Variants in OR1L3 observed in about 807,000 individuals in gnomAD.
OR1L3 encodes olfactory receptor family 1 subfamily L member 3.
For synonymous variants in OR1L3, 137 were observed against 144.5 expected, an observed-to-expected ratio of 0.95 and a Z score of 0.37; for missense variants, 374 against 386.4, an observed-to-expected ratio of 0.97 and a Z score of 0.27.
rs780347027 is a variant in OR1L3 at position 122,675,646 on chromosome 9, G to A, written c.517G>A (p.Val173Ile). Reference protein sequence around the residue: ...VNRLTFCTSNVIHHFFCDVNP... With the variant: ...VNRLTFCTSNIIHHFFCDVNP... Reference sequence around the variant, plus strand: ...TCGGCTCACCTTTTGTACATCAAATGTTATCCATCATTTTTTTTGTGATGT... The same window carrying A: ...TCGGCTCACCTTTTGTACATCAAATATTATCCATCATTTTTTTTGTGATGT... Residue 173 changes from valine to isoleucine, a missense_variant, in exon 1 of 1, where the codon GTT (valine) becomes ATT (isoleucine). Transcript: ENST00000304820. 3.4e-5 allele frequency: 55 copies of A among 1,614,140 alleles called. No individual in the cohort carries two copies. The highest frequency in any genetic ancestry group is 4.4e-5 in the Non-Finnish European group (52 of 1,180,012).
At position 122,675,493 on chromosome 9, in the gene OR1L3, C is replaced by T. The variant is rs757393563; in HGVS notation, c.364C>T (p.Arg122Cys). 3.7e-5 allele frequency: 60 copies of T among 1,614,076 alleles called. No individual in the cohort carries two copies. Among genetic ancestry groups the T allele is most frequent in the Non-Finnish European group, 4.6e-5 (54 of 1,180,048 alleles). ...SYLLAAMAIN[R>C]CVAICNPFHY... ...TCTCCTGGCGGCTATGGCCATCAAC[C>T]GCTGTGTAGCCATTTGTAACCCATT... Residue 122 changes from arginine (R) to cysteine (C), a missense_variant, in exon 1 of 1, where the codon CGC becomes TGC. Physicochemically the swap from Arg to Cys is radical, Grantham distance 180 (BLOSUM62 -3). Coordinates refer to ENST00000304820, the MANE Select transcript of OR1L3 (RefSeq NM_001005234.1).
Position 122,675,900 on chromosome 9 carries a change from T to C in OR1L3, c.771T>C (p.Tyr257=), listed in dbSNP as rs749565366. The stretch of plus-strand genomic sequence containing the variant: ...TTCTGTTTTATGGGAGTATTAGCTA[T>C]GTCTATTTGCAGCCTTTGTCCAGCT... The part of the protein sequence containing the change: ...VVILFYGSIS[Y]VYLQPLSSYT... The change falls in exon 1 of 1, where the codon TAT becomes TAC. Residue 257 remains tyrosine, a synonymous_variant. Coordinates refer to ENST00000304820, the MANE Select transcript of OR1L3 (RefSeq NM_001005234.1). 1.6e-5 allele frequency: 26 copies of C among 1,614,118 alleles called. No individual in the cohort carries two copies. The highest frequency in any genetic ancestry group is 1.0e-4 in the Admixed American group (6 of 60,000).
rs148399372 is a variant in OR1L3 at position 122,675,513 on chromosome 9, C to T, written c.384C>T (p.Asn128=). 9.4e-4 allele frequency: 1,511 copies of T among 1,614,220 alleles called. 2 individuals are homozygous for T. The highest frequency in any genetic ancestry group is 1.1e-3 in the Non-Finnish European group (1,323 of 1,180,040). Residue 128 remains asparagine (N), a synonymous_variant, in exon 1 of 1, where the codon AAC becomes AAT. Transcript: ENST00000304820. ...TCAACCGCTGTGTAGCCATTTGTAA[C>T]CCATTCCATTATGTCACTGTTATGA... The part of the protein sequence containing the change: ...MAINRCVAIC[N]PFHYVTVMNR...
Position 122,675,543 on chromosome 9 carries a change from C to T in OR1L3, c.414C>T (p.Arg138=), listed in dbSNP as rs964399850. ...NPFHYVTVMN[R]RCCVLLLAFP... is the part of the protein sequence containing the mutation. ...TCCATTATGTCACTGTTATGAACCG[C>T]AGATGCTGTGTGTTGCTACTAGCAT... Residue 138 remains arginine, a synonymous_variant, in exon 1 of 1, where the codon CGC becomes CGT. Transcript: ENST00000304820. The T allele has an allele frequency of 1.2e-6, 2 of 1,614,094 alleles. No individual in the cohort carries two copies. Among genetic ancestry groups the T allele is most frequent in the African/African-American group, 2.7e-5 (2 of 74,954 alleles).
rs769784485 is a variant in OR1L3, at chr9:122,675,188, G to T, written c.59G>T (p.Arg20Leu). Residue 20 changes from arginine (R) to leucine (L), a missense_variant, in exon 1 of 1, where the codon CGG becomes CTG. Physicochemically the swap from Arg to Leu is moderately radical, Grantham distance 102. Transcript: ENST00000304820. ...TTTATTCTCTTGGGACTCTCCTCTC[G>T]GTCTGAAGACCAGAGGCCACTCTTT... ...SEFILLGLSSRSEDQRPLFAL... is the reference protein window; with the variant it reads ...SEFILLGLSSLSEDQRPLFAL... 1.2e-6 allele frequency: 2 copies of T among 1,613,658 alleles called. No homozygotes were observed. The highest frequency in any genetic ancestry group is 8.5e-7 in the Non-Finnish European group (1 of 1,179,912).
Position 122,675,562 on chromosome 9 carries a change from C to G in OR1L3, c.433C>G (p.Leu145Val), listed in dbSNP as rs1206464461. The change falls in exon 1 of 1, where the codon CTA becomes GTA. Residue 145 changes from leucine to valine, a missense_variant. Transcript: ENST00000304820. ...VMNRRCCVLL[L>V]AFPITFSYFH... ...GAACCGCAGATGCTGTGTGTTGCTACTAGCATTCCCCATCACTTTCTCCTA... is the reference window on the plus strand; with the variant it reads ...GAACCGCAGATGCTGTGTGTTGCTAGTAGCATTCCCCATCACTTTCTCCTA... The G allele has an allele frequency of 6.2e-7, 1 of 1,614,070 alleles. No individual in the cohort carries two copies. The highest frequency in any genetic ancestry group is 8.5e-7 in the Non-Finnish European group (1 of 1,180,024).
rs1830647773 is a variant in OR1L3, at chr9:122,676,062, G to A, written c.933G>A (p.Met311Ile). 2.5e-6 allele frequency: 4 copies of A among 1,603,290 alleles called. No homozygotes were observed. The highest frequency in any genetic ancestry group is 1.3e-5 in the African/African-American group (1 of 74,648). ...QKLINKIKSQ[M>I]SRFSTKTNKI... ...TGATAAACAAGATTAAGTCTCAAAT[G>A]AGTAGGTTCTCTACAAAGACCAATA... The change falls in exon 1 of 1, where the codon ATG becomes ATA. Residue 311 changes from methionine (M) to isoleucine (I), a missense_variant. Physicochemically the swap from Met to Ile is conservative, Grantham distance 10. Transcript: ENST00000304820.
At position 122,675,904 on chromosome 9, in the gene OR1L3, T is replaced by A. The variant is rs771020185; in HGVS notation, c.775T>A (p.Tyr259Asn). 2.5e-6 allele frequency: 4 copies of A among 1,614,016 alleles called. No homozygotes were observed. The highest frequency in any genetic ancestry group is 3.4e-6 in the Non-Finnish European group (4 of 1,180,016). The change falls in exon 1 of 1, where the codon TAT (tyrosine) becomes AAT (asparagine). Residue 259 changes from tyrosine to asparagine, a missense_variant. Transcript: ENST00000304820. ...GTTTTATGGGAGTATTAGCTATGTC[T>A]ATTTGCAGCCTTTGTCCAGCTATAC... ...ILFYGSISYVYLQPLSSYTVK... is the reference protein window; with the variant it reads ...ILFYGSISYVNLQPLSSYTVK...
rs753903639 is a variant in OR1L3 at position 122,675,410 on chromosome 9, A to C, written c.281A>C (p.Tyr94Ser). The C allele has an allele frequency of 6.2e-7, 1 of 1,614,224 alleles. No individual in the cohort carries two copies. Among genetic ancestry groups the C allele is most frequent in the Non-Finnish European group, 8.5e-7 (1 of 1,180,040 alleles). The stretch of plus-strand genomic sequence containing the variant: ...TTATCAGAGAAAAAGACCATTTCCT[A>C]TGCTGAATGTCTGGCACAGATGTAT... ...NFLSEKKTIS[Y>S]AECLAQMYFF... is the part of the protein sequence containing the mutation. The change falls in exon 1 of 1, where the codon TAT (tyrosine) becomes TCT (serine). Residue 94 changes from tyrosine (Y) to serine (S), a missense_variant. Coordinates refer to ENST00000304820, the MANE Select transcript of OR1L3 (RefSeq NM_001005234.1).
Position 122,675,756 on chromosome 9 carries a change from T to A in OR1L3, c.627T>A (p.Ala209=). 3 of 1,614,218 alleles carry A rather than the reference T, an allele frequency of 1.9e-6. No individual in the cohort carries two copies. The highest frequency in any genetic ancestry group is 2.5e-6 in the Non-Finnish European group (3 of 1,180,040). The change falls in exon 1 of 1, where the codon GCT becomes GCA. Residue 209 remains alanine, a synonymous_variant. Transcript: ENST00000304820. ...AMTEGLASVM[A]PFVCIIISYL... The stretch of plus-strand genomic sequence containing the variant: ...CAGAAGGGCTGGCCTCTGTGATGGC[T>A]CCATTTGTCTGTATCATCATCTCTT...
At position 122,676,096 on chromosome 9, in the gene OR1L3, G is replaced by C. The variant is rs1009518791; in HGVS notation, c.967G>C (p.Gly323Arg). ...RFSTKTNKIC[G>R]P ...CTCTACAAAGACCAATAAAATCTGTGGACCCTGATTACAAGGTGTGTGTGT... is the reference window on the plus strand; with the variant it reads ...CTCTACAAAGACCAATAAAATCTGTCGACCCTGATTACAAGGTGTGTGTGT... Residue 323 changes from glycine (G) to arginine (R), a missense_variant, in exon 1 of 1, where the codon GGA becomes CGA. Gly to Arg is a moderately radical substitution (Grantham distance 125). Coordinates refer to ENST00000304820, the MANE Select transcript of OR1L3 (RefSeq NM_001005234.1). 6.4e-7 allele frequency: 1 copy of C among 1,569,900 alleles called. No homozygotes were observed. Among genetic ancestry groups the C allele is most frequent in the Non-Finnish European group, 8.6e-7 (1 of 1,165,334 alleles).
Position 122,675,323 on chromosome 9 carries a change from T to A in OR1L3, c.194T>A (p.Ile65Asn), listed in dbSNP as rs149460922. 2 of 1,614,214 alleles carry A rather than the reference T, an allele frequency of 1.2e-6. No homozygotes were observed. The highest frequency in any genetic ancestry group is 1.7e-5 in the Admixed American group (1 of 60,028). ...LQNPMYFFLS[I>N]LSFADICYTT... ...AACCCTATGTATTTTTTCCTAAGCATCTTGTCCTTTGCTGATATTTGCTAC... is the reference window on the plus strand; with the variant it reads ...AACCCTATGTATTTTTTCCTAAGCAACTTGTCCTTTGCTGATATTTGCTAC... The change falls in exon 1 of 1, where the codon ATC becomes AAC. Residue 65 changes from isoleucine to asparagine, a missense_variant. By Grantham distance (149) the Ile-to-Asn change is moderately radical. Transcript: ENST00000304820.
In OR1L3 at chr9:122,675,573, C is replaced by G. The variant is rs1290566644; in HGVS notation, c.444C>G (p.Pro148=). The stretch of plus-strand genomic sequence containing the variant: ...GCTGTGTGTTGCTACTAGCATTCCC[C>G]ATCACTTTCTCCTATTTCCACTCTC... The part of the protein sequence containing the change: ...RRCCVLLLAF[P]ITFSYFHSLL... The change falls in exon 1 of 1, where the codon CCC becomes CCG. Residue 148 remains proline, a synonymous_variant. Coordinates refer to ENST00000304820, the MANE Select transcript of OR1L3 (RefSeq NM_001005234.1). The G allele has an allele frequency of 1.2e-6, 2 of 1,614,196 alleles. No homozygotes were observed. The highest frequency in any genetic ancestry group is 1.1e-5 in the South Asian group (1 of 91,078).
rs1224064547 is a variant in OR1L3, at chr9:122,675,463, A to G, written c.334A>G (p.Ser112Gly). 6.2e-7 allele frequency: 1 copy of G among 1,614,218 alleles called. No homozygotes were observed. Among genetic ancestry groups the G allele is most frequent in the African/African-American group, 1.3e-5 (1 of 75,070 alleles). Residue 112 changes from serine (S) to glycine (G), a missense_variant, in exon 1 of 1, where the codon AGT (serine) becomes GGT (glycine). Coordinates refer to ENST00000304820, the MANE Select transcript of OR1L3 (RefSeq NM_001005234.1). Reference sequence around the variant, plus strand: ...CTTCCTGGTTTTTGGAAACATAGATAGTTATCTCCTGGCGGCTATGGCCAT... The same window carrying G: ...CTTCCTGGTTTTTGGAAACATAGATGGTTATCTCCTGGCGGCTATGGCCAT... ...YFFLVFGNID[S>G]YLLAAMAINR... is the part of the protein sequence containing the mutation.
Position 122,675,918 on chromosome 9 carries a change from G to A in OR1L3, c.789G>A (p.Leu263=). 4 of 1,614,090 alleles carry A rather than the reference G, an allele frequency of 2.5e-6. No individual in the cohort carries two copies. Among genetic ancestry groups the A allele is most frequent in the Non-Finnish European group, 3.4e-6 (4 of 1,180,020 alleles). ...GSISYVYLQP[L]SSYTVKDRIA... ...TTAGCTATGTCTATTTGCAGCCTTT[G>A]TCCAGCTATACTGTCAAGGACCGAA... Residue 263 remains leucine (L), a synonymous_variant, in exon 1 of 1, where the codon TTG becomes TTA. Transcript: ENST00000304820.
In OR1L3 at chr9:122,675,628, A is replaced by C; in HGVS notation, c.499A>C (p.Thr167Pro). The change falls in exon 1 of 1, where the codon ACC (threonine) becomes CCC (proline). Residue 167 changes from threonine to proline, a missense_variant. Thr to Pro is a conservative substitution (Grantham distance 38). Coordinates refer to ENST00000304820, the MANE Select transcript of OR1L3 (RefSeq NM_001005234.1). The stretch of plus-strand genomic sequence containing the variant: ...ACATGTCCTCCTGGTGAATCGGCTC[A>C]CCTTTTGTACATCAAATGTTATCCA... ...LLHVLLVNRL[T>P]FCTSNVIHHF... 1.2e-6 allele frequency: 2 copies of C among 1,613,964 alleles called. No individual in the cohort carries two copies. The highest frequency in any genetic ancestry group is 1.7e-6 in the Non-Finnish European group (2 of 1,179,990).
At position 122,675,528 on chromosome 9, in the gene OR1L3, C is replaced by A. The variant is rs1340083446; in HGVS notation, c.399C>A (p.Val133=). 6.2e-7 allele frequency: 1 copy of A among 1,614,198 alleles called. No homozygotes were observed. Among genetic ancestry groups the A allele is most frequent in the East Asian group, 2.2e-5 (1 of 44,890 alleles). ...CVAICNPFHY[V]TVMNRRCCVL... ...CCATTTGTAACCCATTCCATTATGTCACTGTTATGAACCGCAGATGCTGTG... is the reference window on the plus strand; with the variant it reads ...CCATTTGTAACCCATTCCATTATGTAACTGTTATGAACCGCAGATGCTGTG... The change falls in exon 1 of 1, where the codon GTC becomes GTA. Residue 133 remains valine, a synonymous_variant. Transcript: ENST00000304820.
In OR1L3 at chr9:122,675,852, C is replaced by A; in HGVS notation, c.723C>A (p.Cys241Ter). ...GAAAACACAAAGCCTTCTCCACCTG[C>A]AGCTCCCATCTCACTGTGGTGATTC... ...AAGKHKAFSTCSSHLTVVILF... is the reference protein window; with the variant it reads ...AAGKHKAFST Residue 241 changes from cysteine to a stop codon, truncating the protein, a stop_gained, in exon 1 of 1, where the codon TGC (cysteine) becomes TGA (stop). Transcript: ENST00000304820. LOFTEE classifies it low-confidence loss of function (END_TRUNC). 1 of 1,614,138 alleles carries A rather than the reference C, an allele frequency of 6.2e-7. No individual in the cohort carries two copies. Among genetic ancestry groups the A allele is most frequent in the Non-Finnish European group, 8.5e-7 (1 of 1,180,020 alleles).
At position 122,675,866 on chromosome 9, in the gene OR1L3, CTG is replaced by C; in HGVS notation, c.740_741del (p.Val247GlyfsTer9). 1 of 1,614,088 alleles carries C rather than the reference CTG, an allele frequency of 6.2e-7. No homozygotes were observed. The highest frequency in any genetic ancestry group is 8.5e-7 in the Non-Finnish European group (1 of 1,180,014). On this transcript the variant is annotated frameshift_variant, in exon 1 of 1. Coordinates refer to ENST00000304820, the MANE Select transcript of OR1L3 (RefSeq NM_001005234.1). LOFTEE classifies it low-confidence loss of function (END_TRUNC). ...TTCTCCACCTGCAGCTCCCATCTCA[CTG>C]TGGTGATTCTGTTTTATGGGAGTAT...
Sources: gnomAD v4.1 joint callset for allele counts on GRCh38, gnomAD v4.1.1 for gene constraint, MANE v1.5 for transcripts, NCBI Gene and HGNC (gene_info 2026-07-23, HGNC 2026-07-21) for gene names.